CHRM3: variants seen among roughly 807,000 people sequenced by gnomAD.
CHRM3 encodes muscarinic acetylcholine receptor M3.
In CHRM3, 11 loss-of-function variants were observed where a neutral mutation model predicts 41.8. The ratio of observed to expected loss-of-function variants is 0.26; its 90% CI spans 0.17 to 0.44. The LOEUF is 0.44. CHRM3 is among the 20% of genes least tolerant of loss of function. CHRM3 has a pLI of 1.00. For synonymous variants in CHRM3, 297 were observed against 301.4 expected (o/e 0.99, Z 0.15); for missense variants, 571 against 745.4 (o/e 0.77, Z 2.72).
chr1:239,726,744 G>A (rs1558490244), intron 5 of CHRM3, among the ~76,000 whole-genome samples: 2 of 151,882 alleles, frequency 1.3e-5, no homozygotes, highest in Non-Finnish European at 1.5e-5. Flanking sequence ...AATTAGACAT[G>A]ACAATAAATG....
rs919837080 is a variant in CHRM3 at position 239,766,599 on chromosome 1, C to T, written c.-146-60653C>T. Among the ~76,000 whole-genome samples the T allele has an allele frequency of 5.9e-5, 9 of 151,592 alleles. No individual in the cohort carries two copies. In the East Asian group the frequency reaches 1.2e-3, roughly 20 times the overall value. ...AGCTTTTGTGGATACAAAATACAAA[C>T]GAAGTTCACAGGATATCTGTCTATA... On this transcript the variant is annotated intron_variant, in intron 5 of 6. Transcript: ENST00000676153.
intron 3 of CHRM3, chr1:239,629,593 A>G (rs569421273): frequency 2.0e-5 from 3 of 152,368 alleles, no homozygotes; most frequent in East Asian, 1.9e-4. Context: ...ATTGATGACA[A>G]TATAGTGTAA....
At chr1:239,630,958 GGTCA>G (rs1257615943) in intron 3 of CHRM3, among the ~76,000 whole-genome samples, 1 of 152,010 alleles carries the variant, frequency 6.6e-6, no homozygotes, top group Non-Finnish European at 1.5e-5. Context: ...GCCTTGCTTG[GGTCA>G]GTTGCCCTCC....
At chr1:239,503,403 G>A (rs1668370167) in intron 2 of CHRM3, among the ~76,000 whole-genome samples, 1 of 152,102 alleles carries the variant, frequency 6.6e-6, no homozygotes, top group African/African-American at 2.4e-5. Context: ...ACTGCTGAAA[G>A]AAATCATAGA....
intron 4 of CHRM3, 39 bp downstream of exon 4, chr1:239,632,325 G>A (rs201882207): frequency 6.6e-6 from 1 of 152,164 alleles, no homozygotes; most frequent in Non-Finnish European, 1.5e-5. Flanking sequence ...TCCTTGAAAA[G>A]GGGGATTGAT....
At chr1:239,876,964 A>G (rs1677157091) in intron 6 of CHRM3, among the ~76,000 whole-genome samples, 2 of 152,320 alleles carry the variant, frequency 1.3e-5, no homozygotes, top group South Asian at 4.1e-4. Flanking sequence ...TTCACCTTCT[A>G]TGAATCATAG....
At chr1:239,703,083 G>A (rs1456946786) in intron 5 of CHRM3, 1 of 152,182 alleles carries the variant, frequency 6.6e-6, no homozygotes, top group African/African-American at 2.4e-5. Flanking sequence ...CTTTATGGCA[G>A]TGGGCTTGAT....
intron 3 of CHRM3, among the ~76,000 whole-genome samples, chr1:239,630,424 GACTGAC>G (rs1469023325): frequency 6.6e-6 from 1 of 152,158 alleles, no homozygotes; most frequent in Non-Finnish European, 1.5e-5. Context: ...TCAGTGAGAG[GACTGAC>G]ACATGGTTAA....
intron 1 of CHRM3, among the ~76,000 whole-genome samples, chr1:239,430,888 C>A (rs1019777925): frequency 2.6e-5 from 4 of 151,574 alleles, no homozygotes; most frequent in Non-Finnish European, 5.9e-5. Flanking sequence ...GAAAACAGAA[C>A]AATGTCTAAG....
chr1:239,804,519 T>C (rs576926031), intron 5 of CHRM3, among the ~76,000 whole-genome samples: 3 of 152,174 alleles, frequency 2.0e-5, no homozygotes, highest in Non-Finnish European at 4.4e-5. Context: ...CACTTATTAC[T>C]GTTGCCAGTG....
intron 2 of CHRM3, among the ~76,000 whole-genome samples, chr1:239,496,225 A>G (rs988189720): frequency 6.6e-6 from 1 of 152,160 alleles, no homozygotes; most frequent in Non-Finnish European, 1.5e-5. Flanking sequence ...ATAGTCTGGC[A>G]GGAACTGGCC....
intron 3 of CHRM3, among the ~76,000 whole-genome samples, chr1:239,572,241 G>A (rs532227584): frequency 6.6e-6 from 1 of 152,174 alleles, no homozygotes; most frequent in African/African-American, 2.4e-5. Flanking sequence ...GCCCAGGACA[G>A]CCCCAGTGAC....
At chr1:239,516,287 CAA>C (rs1219496117) in intron 2 of CHRM3, among the ~76,000 whole-genome samples, 1 of 152,140 alleles carries the variant, frequency 6.6e-6, no homozygotes, top group African/African-American at 2.4e-5. Context: ...AAGAAATTTG[CAA>C]AGAGTTTCTG....
At position 239,430,820 on chromosome 1, in the gene CHRM3, C is replaced by T. The variant is rs528259707; in HGVS notation, c.-521+43593C>T. On this transcript the variant is annotated intron_variant, in intron 1 of 6. Coordinates refer to ENST00000676153, the MANE Select transcript of CHRM3 (RefSeq NM_001375978.1). ...CATTTCTTTTTGCTTTGGAATGTTG[C>T]CTGGTACATTGATTTTTCTATAATA... 3.3e-4 allele frequency among the ~76,000 whole-genome samples: 49 copies of T among 150,586 alleles called. 1 individual carries two copies. The Middle Eastern group carries it at 0.01, about 31-fold the overall frequency.
chr1:239,624,565 G>C (rs1434414486), intron 3 of CHRM3, among the ~76,000 whole-genome samples: 4 of 151,434 alleles, frequency 2.6e-5, no homozygotes, highest in Admixed American at 6.6e-5. Flanking sequence ...TGGACATGAA[G>C]TCCTTGCCCA....
chr1:239,596,192 A>T (rs1043288595), intron 3 of CHRM3, among the ~76,000 whole-genome samples: 5 of 152,040 alleles, frequency 3.3e-5, no homozygotes, highest in Admixed American at 2.0e-4. Flanking sequence ...AAAACTAGTA[A>T]TTTTCCATCT....
At position 239,446,142 on chromosome 1, in the gene CHRM3, G is replaced by A. The variant is rs71644979; in HGVS notation, c.-520-46567G>A. 5.7e-3 allele frequency among the ~76,000 whole-genome samples: 871 copies of A among 152,120 alleles called. 4 individuals are homozygous for A. Among genetic ancestry groups the A allele is most frequent in the South Asian group, 0.015 (74 of 4,816 alleles). ...AGTAGAGATGGGGTTTCACCATGTT[G>A]GCCAGGATGGTCTTGATCTCCTGAC... On this transcript the variant is annotated intron_variant, in intron 1 of 6. Transcript: ENST00000676153.
At chr1:239,793,926 C>T (rs960038708) in intron 5 of CHRM3, among the ~76,000 whole-genome samples, 2 of 148,864 alleles carry the variant, frequency 1.3e-5, no homozygotes, top group Admixed American at 6.8e-5. Context: ...TTTCCTCCTA[C>T]CTCAGCCTCC....
chr1:239,845,556 G>C (rs150070049), intron 6 of CHRM3, among the ~76,000 whole-genome samples: 1 of 152,238 alleles, frequency 6.6e-6, no homozygotes, highest in African/African-American at 2.4e-5. Context: ...CGTGTCACCC[G>C]CCCAGCTCTC....
Sources: allele counts gnomAD v4.1 joint callset (sites outside exome capture counted in the v4.1 genomes callset), GRCh38; gene constraint gnomAD v4.1.1; transcripts MANE v1.5; gene names NCBI Gene and HGNC (gene_info 2026-07-23, HGNC 2026-07-21).